ADGRB3: variants seen among roughly 807,000 people sequenced by gnomAD.
ADGRB3 encodes the protein brain-specific angiogenesis inhibitor 3.
In ADGRB3, 37 loss-of-function variants were observed where a neutral mutation model predicts 193.4. The observed-to-expected ratio is 0.19, with a 90% confidence interval of 0.15 to 0.25. ADGRB3 has a LOEUF of 0.25. Among genes scored for constraint, ADGRB3 ranks in the 10% least tolerant of loss-of-function variants. The pLI, the probability that ADGRB3 is intolerant of heterozygous loss-of-function variation, is 1.00. For missense variants in ADGRB3, 1,637 were observed against 1,852.9 expected, an observed-to-expected ratio of 0.88 and a Z score of 2.14; for synonymous variants, 690 against 644.2, an observed-to-expected ratio of 1.07 and a Z score of -1.08.
At chr6:69,036,761 T>C (rs1373669444) in intron 13 of ADGRB3, among the ~76,000 whole-genome samples, 2 of 152,248 alleles carry the variant, frequency 1.3e-5, no homozygotes, top group East Asian at 3.9e-4. Flanking sequence ...ATCTTAGTCA[T>C]GGTCACCAAA....
At chr6:68,992,853 G>A (rs1424118239) in intron 10 of ADGRB3, among the ~76,000 whole-genome samples, 1 of 152,040 alleles carries the variant, frequency 6.6e-6, no homozygotes, top group African/African-American at 2.4e-5. Context: ...TGCAATTAAT[G>A]TACTTTAACC....
intron 3 of ADGRB3, among the ~76,000 whole-genome samples, chr6:68,729,754 A>AG: frequency 6.6e-6 from 1 of 151,706 alleles, no homozygotes; most frequent in South Asian, 2.1e-4. Flanking sequence ...TGCTGTGCTG[A>AG]GGGAAGCATA....
chr6:69,006,542 G>C (rs1049565178), intron 11 of ADGRB3, among the ~76,000 whole-genome samples: 1 of 149,948 alleles, frequency 6.7e-6, no homozygotes, highest in African/African-American at 2.5e-5. Flanking sequence ...GTCTCGCTCT[G>C]TCACCCAGGC....
intron 3 of ADGRB3, among the ~76,000 whole-genome samples, chr6:68,830,199 T>TC (rs1767926423): frequency 6.6e-6 from 1 of 152,200 alleles, no homozygotes; most frequent in Non-Finnish European, 1.5e-5. Context: ...GTATTATTTT[T>TC]GACATTTTCA....
intron 17 of ADGRB3, among the ~76,000 whole-genome samples, chr6:69,125,812 C>T (rs2343257): frequency 0.28 from 43,142 of 152,004 alleles, 8,165 homozygotes; most frequent in East Asian, 0.84. Context: ...TGCTTACCTC[C>T]CACTTTGAAG....
Position 68,824,359 on chromosome 6 carries a change from T to G in ADGRB3, c.758-106200T>G, listed in dbSNP as rs575942701. Among the ~76,000 whole-genome samples, 3 of 151,516 alleles carry G rather than the reference T, an allele frequency of 2.0e-5. No homozygotes were observed. In the South Asian group the frequency reaches 6.2e-4, roughly 31 times the overall value. ...AAATTATAATGATTATGTTTCACTTTCTATAAAATATTACAGTTATCTTTA... is the reference window on the plus strand; with the variant it reads ...AAATTATAATGATTATGTTTCACTTGCTATAAAATATTACAGTTATCTTTA... On this transcript the variant is annotated intron_variant, in intron 3 of 31. Coordinates refer to ENST00000370598, the MANE Select transcript of ADGRB3 (RefSeq NM_001704.3).
At chr6:69,000,752 A>G (rs1290692298) in intron 11 of ADGRB3, among the ~76,000 whole-genome samples, 2 of 152,222 alleles carry the variant, frequency 1.3e-5, no homozygotes, top group East Asian at 1.9e-4. Flanking sequence ...CACTTTGTGC[A>G]TGTCCACAGT....
At chr6:69,043,290 G>GAGAAAGAAAGAA (rs145178367) in intron 13 of ADGRB3, among the ~76,000 whole-genome samples, 3,158 of 88,060 alleles carry the variant, frequency 0.036, 88 homozygotes, top group Middle Eastern at 0.14. Flanking sequence ...GGAAGAAAGA[G>GAGAAAGAAAGAA]AGAAAGAAAG....
At position 68,739,940 on chromosome 6, in the gene ADGRB3, G is replaced by A. The variant is rs1196072203; in HGVS notation, c.757+100508G>A. Among the ~76,000 whole-genome samples the A allele has an allele frequency of 2.0e-5, 3 of 152,020 alleles. No individual in the cohort carries two copies. The East Asian group carries it at 5.8e-4, about 29-fold the overall frequency. ...TATTAGTATCGAAAGGTTGTAGCTT[G>A]TTAATAGAGATGCTTATTTAGCATT... On this transcript the variant is annotated intron_variant, in intron 3 of 31. Transcript: ENST00000370598.
At chr6:69,119,810 C>T (rs1336818976) in intron 17 of ADGRB3, among the ~76,000 whole-genome samples, 3 of 152,078 alleles carry the variant, frequency 2.0e-5, no homozygotes, top group South Asian at 2.1e-4. Context: ...TGGAAATGGG[C>T]TCTGAAAAAG....
At chr6:69,049,700 T>C (rs1771338029) in intron 15 of ADGRB3, among the ~76,000 whole-genome samples, 1 of 152,286 alleles carries the variant, frequency 6.6e-6, no homozygotes, top group African/African-American at 2.4e-5. Context: ...TTAATGGTAC[T>C]GTTCATCAAC....
chr6:69,036,217 A>G (rs143094063), intron 13 of ADGRB3, among the ~76,000 whole-genome samples: 1 of 152,308 alleles, frequency 6.6e-6, no homozygotes, highest in East Asian at 1.9e-4. Context: ...GAAGAATAAA[A>G]AAGAGTTGGC....
chr6:68,669,827 A>G (rs2127293608), intron 3 of ADGRB3, among the ~76,000 whole-genome samples: 1 of 151,810 alleles, frequency 6.6e-6, no homozygotes, highest in Middle Eastern at 3.4e-3. Context: ...CAATTTTTAG[A>G]TTTTTACAGA....
chr6:69,145,415 G>GT (rs1207304041), intron 17 of ADGRB3, among the ~76,000 whole-genome samples: 1 of 152,190 alleles, frequency 6.6e-6, no homozygotes, highest in Non-Finnish European at 1.5e-5. Flanking sequence ...GAACTGCAGA[G>GT]CCCCCAAAGG....
At chr6:69,350,858 T>C (rs1182104889) in intron 26 of ADGRB3, among the ~76,000 whole-genome samples, 3 of 151,982 alleles carry the variant, frequency 2.0e-5, no homozygotes, top group Non-Finnish European at 2.9e-5. Flanking sequence ...ATCAGCACAA[T>C]TCACATCAAT....
chr6:69,360,808 T>A, intron 28 of ADGRB3, 61 bp from the exon 29 acceptor site: 2 of 1,460,314 alleles, frequency 1.4e-6, no homozygotes, highest in South Asian at 1.4e-5. Context: ...CAACATAATA[T>A]AATAATGAAA....
chr6:68,730,632 G>A (rs1462924099), intron 3 of ADGRB3, among the ~76,000 whole-genome samples: 5 of 151,508 alleles, frequency 3.3e-5, no homozygotes, highest in East Asian at 1.9e-4. Context: ...CTTTTTGGTC[G>A]TTGCTAGGCT....
intron 10 of ADGRB3, among the ~76,000 whole-genome samples, chr6:68,991,213 C>T (rs1198693652): frequency 2.0e-5 from 3 of 152,052 alleles, no homozygotes; most frequent in East Asian, 1.9e-4. Flanking sequence ...ATCCTATGAC[C>T]TAACAACCTA....
At chr6:68,691,233 A>G (rs539549616) in intron 3 of ADGRB3, among the ~76,000 whole-genome samples, 16 of 152,166 alleles carry the variant, frequency 1.1e-4, no homozygotes, top group Admixed American at 9.2e-4. Context: ...TTAATTAACT[A>G]TCTGAATTGT....
Sources: gnomAD v4.1 joint callset for allele counts (sites outside exome capture counted in the v4.1 genomes callset) on GRCh38, gnomAD v4.1.1 for gene constraint, MANE v1.5 for transcripts, NCBI Gene and HGNC (gene_info 2026-07-23, HGNC 2026-07-21) for gene names.